Variants in RHCG observed in about 807,000 individuals in gnomAD.
RHCG encodes the protein ammonium transporter Rh type C.
In RHCG, 39 loss-of-function variants were observed where a neutral mutation model predicts 55.3. That is an observed-to-expected ratio of 0.70 (90% CI 0.55 to 0.92). The LOEUF is 0.92. Among genes scored for constraint, RHCG ranks in the 40% least tolerant of loss-of-function variants. RHCG has a pLI of 0.00. For missense variants in RHCG, 635 were observed against 627.9 expected (o/e 1.01, Z -0.12); for synonymous variants, 250 against 246.8 (o/e 1.01, Z -0.12).
chr15:89,490,009 T>C (rs2141901119), intron 1 of RHCG, among the ~76,000 whole-genome samples: 1 of 152,344 alleles, frequency 6.6e-6, no homozygotes, highest in Non-Finnish European at 1.5e-5. Flanking sequence ...TCTCAGTTAA[T>C]AGCTATGGAT....
At chr15:89,485,531 A>G (rs2141896940) in intron 2 of RHCG, among the ~76,000 whole-genome samples, 1 of 152,350 alleles carries the variant, frequency 6.6e-6, no homozygotes, top group South Asian at 2.1e-4. Flanking sequence ...TAAGAGTAAC[A>G]GCAGGGATTT....
Position 89,477,495 on chromosome 15 carries a change from A to C in RHCG, c.1112+22T>G, listed in dbSNP as rs1235074745. ...AGAAGGAAGGGGGAAGCTCCATCCC[A>C]CCGCACCTCCTCCACATTTACCCTT... On this transcript the variant is annotated intron_variant, in intron 7 of 10. Coordinates refer to ENST00000268122, the MANE Select transcript of RHCG (RefSeq NM_016321.3). This position sits in a 1 kb window ranked among gnomAD's most constrained non-coding sequence, Gnocchi z 4.5. 1 of 1,613,026 alleles carries C rather than the reference A, an allele frequency of 6.2e-7. No individual in the cohort carries two copies. Among genetic ancestry groups the C allele is most frequent in the Non-Finnish European group, 8.5e-7 (1 of 1,179,510 alleles).
chr15:89,472,874 AGG>A lies in RHCG; in HGVS notation c.1312-13_1312-12del. On this transcript the variant is annotated splice_polypyrimidine_tract_variant and intron_variant, in intron 9 of 10. Coordinates refer to ENST00000268122, the MANE Select transcript of RHCG (RefSeq NM_016321.3). ...GTTCCCTTCAGGCATCTACAGAGAGAGGATGCAACTCTGAGGGCCCTGTCCCA... is the reference window on the plus strand; with the variant it reads ...GTTCCCTTCAGGCATCTACAGAGAGAATGCAACTCTGAGGGCCCTGTCCCA... 10 of 1,432,242 alleles carry A rather than the reference AGG, an allele frequency of 7.0e-6. No individual in the cohort carries two copies. The highest frequency in any genetic ancestry group is 8.3e-6 in the Non-Finnish European group (9 of 1,081,626). The allele number at this position is 1,432,242 out of a possible 1,614,324, so 88.7% of individuals were successfully genotyped here. A position where few individuals can be genotyped will look rare whatever the true frequency, so the allele number is the denominator to read the frequency against.
intron 9 of RHCG, among the ~76,000 whole-genome samples, chr15:89,474,938 CTTCCTGCCTTCATTCA>C (rs1449461997): frequency 2.2e-5 from 3 of 137,162 alleles, no homozygotes; most frequent in African/African-American, 1.0e-4. Context: ...GCCTTCCTGC[CTTCCTGCCTTCATTCA>C]TTCCTGCCTG....
Position 89,479,420 on chromosome 15 carries a change from G to T in RHCG, c.739C>A (p.His247Asn). ...CAGTAGGTGTTGATGGCGGCTCGGT[G>T]CTGGCTGTCCCCATGGTAGGATATG... ...SAISYHGDSQ[H>N]RAAINTYCSL... The change falls in exon 5 of 11, where the codon CAC (histidine) becomes AAC (asparagine). Residue 247 changes from histidine (H) to asparagine (N), a missense_variant. Transcript: ENST00000268122. 1 of 1,614,162 alleles carries T rather than the reference G, an allele frequency of 6.2e-7. No homozygotes were observed. The highest frequency in any genetic ancestry group is 8.5e-7 in the Non-Finnish European group (1 of 1,180,018).
Position 89,477,445 on chromosome 15 carries a change from A to G in RHCG, c.1112+72T>C. On this transcript the variant is annotated intron_variant, in intron 7 of 10. Transcript: ENST00000268122. The surrounding 1 kb of genome is among the most constrained non-coding windows in gnomAD (Gnocchi z 4.5). ...GGAGAAAGATGCAGTCGGGTCCCAG[A>G]GGAATAGCAGGAAGAAGGGATGGGA... 6.3e-7 allele frequency: 1 copy of G among 1,582,074 alleles called. No individual in the cohort carries two copies. Among genetic ancestry groups the G allele is most frequent in the Non-Finnish European group, 8.6e-7 (1 of 1,161,516 alleles).
At chr15:89,485,699 T>A (rs900465636) in intron 2 of RHCG, among the ~76,000 whole-genome samples, 4 of 152,248 alleles carry the variant, frequency 2.6e-5, no homozygotes, top group Admixed American at 6.5e-5. Context: ...AACATTTTTT[T>A]TTCTTTAGCT....
intron 2 of RHCG, 157 bp downstream of exon 2, chr15:89,486,642 G>GTGTGTC: frequency 3.7e-6 from 2 of 537,734 alleles, no homozygotes; most frequent in East Asian, 3.8e-5. Flanking sequence ...GTGTGTGTGT[G>GTGTGTC]TATCTGTCTC....
Position 89,481,388 on chromosome 15 carries a change from T to G in RHCG, c.523-980A>C, listed in dbSNP as rs575681757. 4.6e-5 allele frequency among the ~76,000 whole-genome samples: 7 copies of G among 151,428 alleles called. No homozygotes were observed. In the South Asian group the frequency reaches 1.5e-3, roughly 32 times the overall value. On this transcript the variant is annotated intron_variant, in intron 3 of 10. Coordinates refer to ENST00000268122, the MANE Select transcript of RHCG (RefSeq NM_016321.3). ...TCGCTTGAACCCGGGAGGCAGAGGT[T>G]GCAGTGAGCTGAGATCATGCCACTG...
chr15:89,472,881 A>T lies in RHCG; in HGVS notation c.1312-18T>A. On this transcript the variant is annotated intron_variant, in intron 9 of 10. Transcript: ENST00000268122. ...TCAGGCATCTACAGAGAGAGGATGC[A>T]ACTCTGAGGGCCCTGTCCCAGTCCA... The T allele has an allele frequency of 7.1e-7, 1 of 1,417,838 alleles. No homozygotes were observed. The allele number at this position is 1,417,838 out of a possible 1,614,324, so 87.8% of individuals were successfully genotyped here.
intron 9 of RHCG, 45 bp from the exon 10 acceptor site, chr15:89,472,908 G>T (rs1961068086): frequency 1.4e-6 from 2 of 1,387,590 alleles, no homozygotes; most frequent in Admixed American, 3.2e-5. Context: ...CCCAGTCCAG[G>T]CAAGGGTGTC....
At chr15:89,475,939 C>T (rs1008647933) in intron 9 of RHCG, among the ~76,000 whole-genome samples, 7 of 152,246 alleles carry the variant, frequency 4.6e-5, no homozygotes, top group South Asian at 2.1e-4. Flanking sequence ...GTGCTGGGCC[C>T]GCCCCCTTGT....
In RHCG at chr15:89,477,704, T is replaced by G. The variant is rs778003523; in HGVS notation, c.976-51A>C. The G allele has an allele frequency of 1.9e-6, 3 of 1,608,100 alleles. No homozygotes were observed. The East Asian group carries it at 6.7e-5, about 36-fold the overall frequency. ...CAGGCCGGGGGCTGCATCAAGGGTGTGGGGAGGCCGGGATTCCAGAGACCC... is the reference window on the plus strand; with the variant it reads ...CAGGCCGGGGGCTGCATCAAGGGTGGGGGGAGGCCGGGATTCCAGAGACCC... On this transcript the variant is annotated intron_variant, in intron 6 of 10. Coordinates refer to ENST00000268122, the MANE Select transcript of RHCG (RefSeq NM_016321.3). This position sits in a 1 kb window ranked among gnomAD's most constrained non-coding sequence, Gnocchi z 4.5.
Position 89,477,111 on chromosome 15 carries a change from G to A in RHCG, c.1208C>T (p.Ala403Val), listed in dbSNP as rs1253811400. The change falls in exon 8 of 11, where the codon GCC (alanine) becomes GTC (valine). Residue 403 changes from alanine to valine, a missense_variant. Ala to Val is a moderately conservative substitution (Grantham distance 64). Transcript: ENST00000268122. The surrounding 1 kb of genome is among the most constrained non-coding windows in gnomAD (Gnocchi z 4.5). ...FQIYGLLVTL[A>V]MALMGGIIVG... ...AATGATGCCACCCATCAGGGCCATG[G>A]CCAGGGTCACCAAGAGACCATAAAT... is the stretch of plus-strand genomic sequence containing the variant. 6 of 1,613,918 alleles carry A rather than the reference G, an allele frequency of 3.7e-6. No individual in the cohort carries two copies. Among genetic ancestry groups the A allele is most frequent in the Non-Finnish European group, 5.1e-6 (6 of 1,180,012 alleles).
chr15:89,486,599 A>AGAGAGAGAGAGTGTGAGTGTGTGT, intron 2 of RHCG, 200 bp downstream of exon 2: 3 of 264,460 alleles, frequency 1.1e-5, no homozygotes, highest in African/African-American at 4.5e-5. Context: ...AGAGAGAGAG[A>AGAGAGAGAGAGTGTGAGTGTGTGT]GTGTGTGTGT....
intron 1 of RHCG, among the ~76,000 whole-genome samples, chr15:89,490,519 G>A (rs980781591): frequency 1.3e-5 from 2 of 152,238 alleles, no homozygotes; most frequent in Non-Finnish European, 2.9e-5. Context: ...TCTAACTGTT[G>A]TGGAAGAAAT....
chr15:89,489,739 A>C (rs1235618851), intron 1 of RHCG, among the ~76,000 whole-genome samples: 5 of 152,204 alleles, frequency 3.3e-5, no homozygotes, highest in Non-Finnish European at 7.3e-5. Flanking sequence ...AATGGCCAGC[A>C]GATCTCAGCA....
chr15:89,483,352 T>C (rs1408828482), intron 2 of RHCG, 135 bp from the exon 3 acceptor site: 2 of 726,392 alleles, frequency 2.8e-6, no homozygotes, highest in Non-Finnish European at 4.3e-6. Context: ...TCTACACTAA[T>C]GGGCACCTAA....
chr15:89,481,000 C>T (rs994466691), intron 3 of RHCG, among the ~76,000 whole-genome samples: 1 of 152,186 alleles, frequency 6.6e-6, no homozygotes, highest in Non-Finnish European at 1.5e-5. Context: ...ATGGGGGAAA[C>T]CCAGCCAGAG....
Sources: gnomAD v4.1 joint callset for allele counts (sites outside exome capture counted in the v4.1 genomes callset) on GRCh38, gnomAD v4.1.1 for gene constraint, Gnocchi (gnomAD v3.1) non-coding constraint, MANE v1.5 for transcripts, NCBI Gene and HGNC (gene_info 2026-07-23, HGNC 2026-07-21) for gene names.